GFRAL: variants seen among roughly 807,000 people sequenced by gnomAD.
The protein encoded by GFRAL is GDNF family receptor alpha-like.
A neutral mutation model predicts 45.4 loss-of-function variants in GFRAL; 36 were observed. That is an observed-to-expected ratio of 0.79 (90% CI 0.61 to 1.05). The LOEUF (loss-of-function observed/expected upper bound fraction) is 1.05, where lower values mean the gene tolerates loss of function less well. GFRAL is among the 50% of genes least tolerant of loss of function. The probability of loss-of-function intolerance (pLI) is 0.00; values close to 1 mark genes in which losing one functional copy is unlikely to be tolerated. For synonymous variants in GFRAL, 166 were observed against 154.1 expected (o/e 1.08, Z -0.57); for missense variants, 507 against 467.5 (o/e 1.08, Z -0.78).
chr6:55,381,470 C>A (rs1329785569), intron 6 of GFRAL, among the ~76,000 whole-genome samples: 1 of 151,842 alleles, frequency 6.6e-6, no homozygotes, highest in Non-Finnish European at 1.5e-5. Flanking sequence ...GCATTTCATC[C>A]TGCCTTACAA....
chr6:55,343,733 C>A (rs978237946), intron 3 of GFRAL, among the ~76,000 whole-genome samples: 12 of 152,070 alleles, frequency 7.9e-5, no homozygotes, highest in African/African-American at 2.7e-4. Context: ...ATCAATGAAT[C>A]CAGTAACTGG....
intron 8 of GFRAL, among the ~76,000 whole-genome samples, chr6:55,400,602 C>T (rs531869355): frequency 6.6e-6 from 1 of 152,216 alleles, no homozygotes; most frequent in East Asian, 1.9e-4. Context: ...GACCCAATCC[C>T]TCTAAGCATT....
chr6:55,365,075 G>A (rs1768340718), intron 6 of GFRAL, among the ~76,000 whole-genome samples: 3 of 151,286 alleles, frequency 2.0e-5, no homozygotes, highest in African/African-American at 7.3e-5. Flanking sequence ...CCATGAGCAT[G>A]GAATGTTCTT....
intron 3 of GFRAL, among the ~76,000 whole-genome samples, chr6:55,345,772 A>C (rs1365725494): frequency 6.6e-6 from 1 of 152,236 alleles, no homozygotes; most frequent in Non-Finnish European, 1.5e-5. Flanking sequence ...ACAGAATGGG[A>C]GAAAATTTTT....
intron 6 of GFRAL, among the ~76,000 whole-genome samples, chr6:55,388,839 G>A (rs1167006476): frequency 1.3e-5 from 2 of 152,032 alleles, no homozygotes; most frequent in East Asian, 3.9e-4. Flanking sequence ...ATTATGTCTG[G>A]TTCTTCTCTA....
intron 6 of GFRAL, among the ~76,000 whole-genome samples, chr6:55,368,515 AC>A (rs1768399154): frequency 6.6e-6 from 1 of 151,182 alleles, no homozygotes; most frequent in Admixed American, 6.6e-5. Flanking sequence ...GAGGAGAGGC[AC>A]TCTGCTTTTT....
chr6:55,343,649 C>T (rs1332531896), intron 3 of GFRAL, among the ~76,000 whole-genome samples: 1 of 152,038 alleles, frequency 6.6e-6, no homozygotes. Flanking sequence ...CATTCAAAAG[C>T]TAGCAGAAGG....
chr6:55,379,584 C>T (rs1355336875), intron 6 of GFRAL, among the ~76,000 whole-genome samples: 1 of 116,166 alleles, frequency 8.6e-6, no homozygotes, highest in Non-Finnish European at 2.0e-5. Context: ...TACACACACA[C>T]ACACACACAC....
In GFRAL at chr6:55,356,807, A is replaced by G. The variant is rs9475254; in HGVS notation, c.702-2081A>G. On this transcript the variant is annotated intron_variant, in intron 5 of 8. Transcript: ENST00000340465. Reference sequence around the variant, plus strand: ...TAAGTTGTTTATTTGAAGTTTTTCTACTTTTTTGATGTAGGTGCTTATTTC... The same window carrying G: ...TAAGTTGTTTATTTGAAGTTTTTCTGCTTTTTTGATGTAGGTGCTTATTTC... Among the ~76,000 whole-genome samples, 1,390 of 151,606 alleles carry G rather than the reference A, an allele frequency of 9.2e-3. 20 individuals carry two copies. The highest frequency in any genetic ancestry group is 0.032 in the African/African-American group (1,331 of 41,424).
chr6:55,335,134 T>C (rs1188602618), intron 3 of GFRAL, among the ~76,000 whole-genome samples: 2 of 152,210 alleles, frequency 1.3e-5, no homozygotes, highest in African/African-American at 2.4e-5. Context: ...TAAAAGTTCC[T>C]GTTGCTTCAT....
At chr6:55,337,606 A>C (rs1488032149) in intron 3 of GFRAL, among the ~76,000 whole-genome samples, 1 of 152,100 alleles carries the variant, frequency 6.6e-6, no homozygotes, top group African/African-American at 2.4e-5. Context: ...CTTGTTATCT[A>C]TTTCTTCATG....
intron 3 of GFRAL, among the ~76,000 whole-genome samples, chr6:55,344,283 T>C (rs2127353095): frequency 6.6e-6 from 1 of 152,040 alleles, no homozygotes; most frequent in African/African-American, 2.4e-5. Flanking sequence ...GATGCAAAAA[T>C]CCTCAATAAA....
chr6:55,357,576 T>G (rs2127356856), intron 5 of GFRAL, among the ~76,000 whole-genome samples: 1 of 151,982 alleles, frequency 6.6e-6, no homozygotes, highest in Middle Eastern at 3.4e-3. Context: ...TGTATGCTTC[T>G]TAGAGGTAAC....
Position 55,399,375 on chromosome 6 carries a change from T to C in GFRAL, c.1055T>C (p.Val352Ala), listed in dbSNP as rs1247453063. The change falls in exon 8 of 9, where the codon GTA becomes GCA. Residue 352 changes from valine to alanine, a missense_variant. By Grantham distance (64) the Val-to-Ala change is moderately conservative. Transcript: ENST00000340465. Reference sequence around the variant, plus strand: ...AATCTTTTTCTTTTTCTAGGAGAAGTAATCTATGCTGCCATGTGCATGACA... The same window carrying C: ...AATCTTTTTCTTTTTCTAGGAGAAGCAATCTATGCTGCCATGTGCATGACA... ...TGFHSPFNGE[V>A]IYAAMCMTVT... 2 of 1,607,860 alleles carry C rather than the reference T, an allele frequency of 1.2e-6. No homozygotes were observed. The highest frequency in any genetic ancestry group is 1.7e-6 in the Non-Finnish European group (2 of 1,175,404).
intron 3 of GFRAL, among the ~76,000 whole-genome samples, chr6:55,339,069 C>A (rs1051678661): frequency 6.6e-6 from 1 of 151,960 alleles, no homozygotes; most frequent in Admixed American, 6.6e-5. Context: ...ACTAAGGCAC[C>A]GGTCCTGAGA....
intron 6 of GFRAL, among the ~76,000 whole-genome samples, chr6:55,365,072 C>T (rs930923207): frequency 2.0e-5 from 3 of 151,316 alleles, no homozygotes; most frequent in African/African-American, 7.3e-5. Flanking sequence ...TACCCATGAG[C>T]ATGGAATGTT....
intron 6 of GFRAL, among the ~76,000 whole-genome samples, chr6:55,383,792 A>G (rs1394737600): frequency 6.6e-6 from 1 of 151,956 alleles, no homozygotes; most frequent in African/African-American, 2.4e-5. Context: ...AAACTGGGGC[A>G]TTTACATTTA....
At chr6:55,392,368 C>T (rs150226048) in intron 6 of GFRAL, among the ~76,000 whole-genome samples, 5 of 152,296 alleles carry the variant, frequency 3.3e-5, no homozygotes, top group East Asian at 1.9e-4. Flanking sequence ...TAATTACTTA[C>T]ATAGGTAACC....
intron 3 of GFRAL, among the ~76,000 whole-genome samples, chr6:55,337,552 T>C (rs1767908583): frequency 6.6e-6 from 1 of 152,214 alleles, no homozygotes; most frequent in Admixed American, 6.5e-5. Context: ...ATTAAAAAGA[T>C]TTGAAAATAT....
Sources: allele counts gnomAD v4.1 joint callset (sites outside exome capture counted in the v4.1 genomes callset), GRCh38; gene constraint gnomAD v4.1.1; transcripts MANE v1.5; gene names NCBI Gene and HGNC (gene_info 2026-07-23, HGNC 2026-07-21).